PTPN2: variants seen among roughly 807,000 people sequenced by gnomAD.
The protein encoded by PTPN2 is tyrosine-protein phosphatase non-receptor type 2.
In PTPN2, 19 loss-of-function variants were observed where a neutral mutation model predicts 57.3. The observed-to-expected ratio is 0.33, with a 90% CI of 0.23 to 0.49. PTPN2 has a LOEUF of 0.49. PTPN2 is among the 20% of genes least tolerant of loss of function. The pLI is 0.99. For synonymous variants in PTPN2, 153 were observed against 164.9 expected (o/e 0.93, Z 0.55); for missense variants, 358 against 501.1 (o/e 0.71, Z 2.73).
In PTPN2 at chr18:12,814,331, T is replaced by C. The variant is rs142941831; in HGVS notation, c.730A>G (p.Ile244Val). The C allele has an allele frequency of 1.1e-4, 173 of 1,599,424 alleles. No individual in the cohort carries two copies. In the African/African-American group the frequency reaches 1.8e-3, roughly 17 times the overall value. Residue 244 changes from isoleucine to valine, a missense_variant, in exon 7 of 9, where the codon ATA becomes GTA. Ile to Val is a conservative substitution (Grantham distance 29). Transcript: ENST00000309660. ...VLMEKGDDIN[I>V]KQVLLNMRKY... ...CTCATGTTCAGTAACACTTGTTTTA[T>C]GTTAATATCATCTCCTTTTTCCATC...
intron 6 of PTPN2, among the ~76,000 whole-genome samples, chr18:12,815,363 G>C (rs1338297774): frequency 6.6e-6 from 1 of 151,814 alleles, no homozygotes; most frequent in Non-Finnish European, 1.5e-5. Context: ...AGTGAGCTGA[G>C]ATTGCACCAC....
intron 1 of PTPN2, 29 bp from the exon 2 acceptor site, chr18:12,859,283 T>C: frequency 6.8e-7 from 1 of 1,466,586 alleles, no homozygotes; most frequent in Non-Finnish European, 9.4e-7. Flanking sequence ...TATTTTAATA[T>C]CCCTCTTAAA....
At chr18:12,797,695 A>G (rs2847297) in intron 8 of PTPN2, among the ~76,000 whole-genome samples, 59,584 of 151,920 alleles carry the variant, frequency 0.39, 12,653 homozygotes, top group African/African-American at 0.57. Context: ...GACTTGCCAA[A>G]TGGGACCTGC....
intron 7 of PTPN2, among the ~76,000 whole-genome samples, chr18:12,806,100 A>G (rs1363254742): frequency 6.6e-6 from 1 of 152,168 alleles, no homozygotes; most frequent in East Asian, 1.9e-4. Flanking sequence ...AAAAACTGTT[A>G]TAACTAATAA....
Position 12,825,954 on chromosome 18 carries a change from G to A in PTPN2, c.361-10C>T. ...ACTGTGCACATTTAACCTAAATTTAGAAATATGTATATGATTTTTTTTTAG... is the reference window on the plus strand; with the variant it reads ...ACTGTGCACATTTAACCTAAATTTAAAAATATGTATATGATTTTTTTTTAG... On this transcript the variant is annotated splice_polypyrimidine_tract_variant and intron_variant, in intron 4 of 8. Coordinates refer to ENST00000309660, the MANE Select transcript of PTPN2 (RefSeq NM_002828.4). The A allele has an allele frequency of 1.3e-6, 2 of 1,578,810 alleles. No homozygotes were observed. The highest frequency in any genetic ancestry group is 8.6e-7 in the Non-Finnish European group (1 of 1,162,236).
rs374167806 is a variant in PTPN2, at chr18:12,858,878, T to C, written c.160+286A>G. 4.6e-5 allele frequency among the ~76,000 whole-genome samples: 7 copies of C among 152,320 alleles called. No individual in the cohort carries two copies. In the East Asian group the frequency reaches 1.3e-3, roughly 29 times the overall value. ...TACATATGGATATTATATAGACATC[T>C]ATAATTACAATTATTTTAAAGAAAG... On this transcript the variant is annotated intron_variant, in intron 2 of 8. Coordinates refer to ENST00000309660, the MANE Select transcript of PTPN2 (RefSeq NM_002828.4).
chr18:12,818,167 C>T (rs1031829537), intron 5 of PTPN2, among the ~76,000 whole-genome samples: 21 of 152,054 alleles, frequency 1.4e-4, no homozygotes, highest in Non-Finnish European at 2.5e-4. Context: ...TTTTTTCTAC[C>T]AGTATAATTT....
At chr18:12,883,283 G>A (rs1039005487) in intron 1 of PTPN2, among the ~76,000 whole-genome samples, 1 of 152,176 alleles carries the variant, frequency 6.6e-6, no homozygotes, top group Admixed American at 6.5e-5. Context: ...TAAAGAGAAT[G>A]ACACGCTATC....
intron 3 of PTPN2, among the ~76,000 whole-genome samples, chr18:12,834,678 G>A (rs920347404): frequency 4.0e-5 from 6 of 151,534 alleles, no homozygotes; most frequent in African/African-American, 1.5e-4. Context: ...AGGTTACAAA[G>A]GTTGAAAACC....
intron 2 of PTPN2, chr18:12,841,098 T>C (rs1158415820): frequency 1.2e-6 from 1 of 839,158 alleles, no homozygotes; most frequent in African/African-American, 1.7e-5. Flanking sequence ...TGAGTACTGA[T>C]ACTTTATTGC....
chr18:12,870,343 A>ACG (rs2044171181), intron 1 of PTPN2, among the ~76,000 whole-genome samples: 1 of 40,266 alleles, frequency 2.5e-5, no homozygotes, highest in African/African-American at 1.5e-4. Context: ...ATATATATAC[A>ACG]TATATATGTG....
At chr18:12,822,580 G>A (rs930911106) in intron 5 of PTPN2, among the ~76,000 whole-genome samples, 25 of 152,260 alleles carry the variant, frequency 1.6e-4, no homozygotes, top group African/African-American at 6.0e-4. Flanking sequence ...ACTGGAGGAG[G>A]CGCAGGGCTT....
At chr18:12,856,351 G>A (rs1043107576) in intron 2 of PTPN2, among the ~76,000 whole-genome samples, 1 of 152,186 alleles carries the variant, frequency 6.6e-6, no homozygotes, top group Non-Finnish European at 1.5e-5. Context: ...AAGCAAGAAT[G>A]AGCAGTCTCT....
chr18:12,883,408 G>A (rs1160346708), intron 1 of PTPN2, among the ~76,000 whole-genome samples: 4 of 152,182 alleles, frequency 2.6e-5, no homozygotes, highest in Admixed American at 1.3e-4. Context: ...TCCCGAGAGC[G>A]CTGCCCTCGC....
intron 1 of PTPN2, 166 bp downstream of exon 1, chr18:12,883,907 A>T: frequency 4.0e-6 from 2 of 506,242 alleles, no homozygotes; most frequent in Non-Finnish European, 3.5e-6. Context: ...AAGGAGCAAG[A>T]GAGCGGTCAG....
chr18:12,788,674 C>T (rs1281062596), downstream of PTPN2, among the ~76,000 whole-genome samples: 2 of 152,044 alleles, frequency 1.3e-5, no homozygotes, highest in East Asian at 1.9e-4. Flanking sequence ...TCCTTACAGT[C>T]GGCGATGGCT....
In PTPN2 at chr18:12,785,780, G is replaced by C. The variant is rs1392605410; in HGVS notation, c.*43C>G. ...TTCAGGTCTTGCTTTGCACATCAAT[G>C]GTTCAAAATTTATAGCTGCAGAATA... On this transcript the variant is annotated 3_prime_UTR_variant, in exon 10 of 10. Coordinates refer to the PTPN2 transcript ENST00000327283. 3 of 1,592,280 alleles carry C rather than the reference G, an allele frequency of 1.9e-6. No homozygotes were observed. In the East Asian group the frequency reaches 6.7e-5, roughly 36 times the overall value.
intron 7 of PTPN2, among the ~76,000 whole-genome samples, chr18:12,807,285 T>C (rs2041689578): frequency 6.6e-6 from 1 of 151,772 alleles, no homozygotes; most frequent in Non-Finnish European, 1.5e-5. Context: ...AAAAAATAAA[T>C]GCTGGCATGA....
At chr18:12,839,751 C>G (rs925496273) in intron 2 of PTPN2, among the ~76,000 whole-genome samples, 7 of 152,068 alleles carry the variant, frequency 4.6e-5, no homozygotes, top group African/African-American at 1.7e-4. Flanking sequence ...ATGCAATACC[C>G]AAACAGAACT....
Sources: gnomAD v4.1 joint callset for allele counts (sites outside exome capture counted in the v4.1 genomes callset) on GRCh38, gnomAD v4.1.1 for gene constraint, MANE v1.5 for transcripts, NCBI Gene and HGNC (gene_info 2026-07-23, HGNC 2026-07-21) for gene names.